Variants in ULK4 observed in about 807,000 individuals in gnomAD.
ULK4 encodes inactive serine/threonine-protein kinase ULK4.
In ULK4, 133 loss-of-function variants were observed where a neutral mutation model predicts 160.6. That is an observed-to-expected ratio of 0.83 (90% CI 0.72 to 0.96). ULK4 has a LOEUF of 0.96. ULK4 is among the 40% of genes least tolerant of loss of function. ULK4 has a pLI of 0.00. For synonymous variants in ULK4, 534 were observed against 539.8 expected (o/e 0.99, Z 0.15); for missense variants, 1,580 against 1,499.5 (o/e 1.05, Z -0.89).
chr3:41,958,200 G>A (rs1700548020), intron 1 of ULK4, among the ~76,000 whole-genome samples: 1 of 152,112 alleles, frequency 6.6e-6, no homozygotes, highest in South Asian at 2.1e-4. Flanking sequence ...TTAAAACATG[G>A]AAGCAACTTG....
chr3:41,917,844 G>A (rs144314857), intron 7 of ULK4, among the ~76,000 whole-genome samples: 3,838 of 152,002 alleles, frequency 0.025, 49 homozygotes, highest in Non-Finnish European at 0.039. Context: ...AAAATTAGCC[G>A]GGTGCCGTGG....
At chr3:41,602,025 C>A (rs1262273979) in intron 31 of ULK4, among the ~76,000 whole-genome samples, 3 of 151,950 alleles carry the variant, frequency 2.0e-5, no homozygotes, top group Admixed American at 2.0e-4. Context: ...GAGACCCTGT[C>A]TCTACAAAAA....
intron 30 of ULK4, among the ~76,000 whole-genome samples, chr3:41,651,356 C>T (rs886911443): frequency 1.3e-5 from 2 of 152,194 alleles, no homozygotes. Flanking sequence ...GCCCACCCCA[C>T]CTCATAAAAC....
At chr3:41,746,286 A>AAAAAAAAAAAAAAAAAAAAAAC (rs2038418797) in intron 22 of ULK4, among the ~76,000 whole-genome samples, 1 of 148,788 alleles carries the variant, frequency 6.7e-6, no homozygotes, top group African/African-American at 2.5e-5. Context: ...AAAAAAAAAA[A>AAAAAAAAAAAAAAAAAAAAAAC]AAAAAAAAAA....
intron 32 of ULK4, among the ~76,000 whole-genome samples, chr3:41,476,217 A>G (rs769556471): frequency 1.2e-4 from 18 of 152,164 alleles, no homozygotes; most frequent in Non-Finnish European, 2.2e-4. Flanking sequence ...TGGGAATTGA[A>G]AATTAGACTA....
chr3:41,900,689 A>G, intron 13 of ULK4, 36 bp downstream of exon 13: 1 of 1,488,722 alleles, frequency 6.7e-7, no homozygotes, highest in African/African-American at 1.4e-5. Flanking sequence ...ATCTCAGTAA[A>G]GTCTACAACT....
intron 35 of ULK4, among the ~76,000 whole-genome samples, chr3:41,300,346 G>A (rs2079759163): frequency 6.6e-6 from 1 of 152,132 alleles, no homozygotes; most frequent in Admixed American, 6.5e-5. Context: ...GGAAACTGCT[G>A]GGTATTTGCT....
At chr3:41,662,796 C>T (rs1020514076) in intron 30 of ULK4, among the ~76,000 whole-genome samples, 1 of 152,032 alleles carries the variant, frequency 6.6e-6, no homozygotes, top group Non-Finnish European at 1.5e-5. Context: ...CTGTGGACCT[C>T]TCAGACAAAC....
At chr3:41,589,430 CAAAAAA>C (rs34913730) in intron 31 of ULK4, among the ~76,000 whole-genome samples, 18 of 72,098 alleles carry the variant, frequency 2.5e-4, no homozygotes, top group African/African-American at 9.2e-4. Flanking sequence ...AAGGCCAGGC[CAAAAAA>C]AAAAAAAAAA....
intron 34 of ULK4, among the ~76,000 whole-genome samples, chr3:41,439,576 A>G (rs1415080261): frequency 6.6e-6 from 1 of 152,194 alleles, no homozygotes; most frequent in African/African-American, 2.4e-5. Context: ...AGTGAACATA[A>G]CCATCACCAT....
At chr3:41,424,621 G>T (rs987938166) in intron 34 of ULK4, among the ~76,000 whole-genome samples, 14 of 152,152 alleles carry the variant, frequency 9.2e-5, no homozygotes, top group African/African-American at 2.9e-4. Flanking sequence ...TCCAGGTGTG[G>T]GAGGGACCTA....
intron 31 of ULK4, among the ~76,000 whole-genome samples, chr3:41,607,703 T>C (rs1301385860): frequency 1.3e-5 from 2 of 152,182 alleles, no homozygotes; most frequent in African/African-American, 2.4e-5. Context: ...AATTTGAGCA[T>C]CCATCAGTGG....
intron 31 of ULK4, among the ~76,000 whole-genome samples, chr3:41,575,198 A>G (rs1239706887): frequency 6.6e-6 from 1 of 152,238 alleles, no homozygotes; most frequent in African/African-American, 2.4e-5. Flanking sequence ...CTAATTTAAA[A>G]TTAATTCAAT....
chr3:41,889,242 T>C (rs1697831340), intron 16 of ULK4, among the ~76,000 whole-genome samples: 1 of 152,168 alleles, frequency 6.6e-6, no homozygotes, highest in Admixed American at 6.5e-5. Context: ...TAATTCTAAA[T>C]TCTGCCCCAA....
chr3:41,612,767 G>GA (rs113054669), intron 31 of ULK4, among the ~76,000 whole-genome samples: 2,181 of 152,032 alleles, frequency 0.014, 128 homozygotes, highest in Admixed American at 0.11. Flanking sequence ...ATAACTACAG[G>GA]AAAAAAACAG....
Position 41,537,267 on chromosome 3 carries a change from A to AT in ULK4, c.3226+28757_3226+28758insA, listed in dbSNP as rs2086536882. ...TGCTGTAAATCCCATGAAGTTATGCACTCTGGACATAGTTTTCTCCAGCAG... is the reference window on the plus strand; with the variant it reads ...TGCTGTAAATCCCATGAAGTTATGCATCTCTGGACATAGTTTTCTCCAGCAG... On this transcript the variant is annotated intron_variant, in intron 32 of 36. Transcript: ENST00000301831. 3.7e-5 allele frequency among the ~76,000 whole-genome samples: 4 copies of AT among 109,050 alleles called. No individual in the cohort carries two copies. In the Admixed American group the frequency reaches 3.9e-4, roughly 11 times the overall value. The allele number at this position is 109,050 out of a possible 152,430, so 71.5% of individuals were successfully genotyped here.
chr3:41,647,386 C>T (rs1186312733), intron 30 of ULK4, among the ~76,000 whole-genome samples: 5 of 150,536 alleles, frequency 3.3e-5, no homozygotes, highest in Admixed American at 6.6e-5. Flanking sequence ...GGATGTCCTT[C>T]CTGTTTGTTA....
intron 35 of ULK4, among the ~76,000 whole-genome samples, chr3:41,382,863 T>A (rs1009646718): frequency 6.6e-6 from 1 of 152,180 alleles, no homozygotes; most frequent in African/African-American, 2.4e-5. Context: ...GAAACAATCT[T>A]GCTAAGGAAA....
intron 32 of ULK4, among the ~76,000 whole-genome samples, chr3:41,494,250 C>A: frequency 9.0e-6 from 1 of 111,650 alleles, no homozygotes; most frequent in Non-Finnish European, 2.0e-5. Flanking sequence ...TGGGCTTCAT[C>A]CCTGGGATGC....
Sources: gnomAD v4.1 joint callset for allele counts (sites outside exome capture counted in the v4.1 genomes callset) on GRCh38, gnomAD v4.1.1 for gene constraint, MANE v1.5 for transcripts, NCBI Gene and HGNC (gene_info 2026-07-23, HGNC 2026-07-21) for gene names.